The following LIG1 variants were observed in gnomAD, a reference collection of about 807,000 sequenced individuals.
LIG1 encodes ligase I, DNA, ATP-dependent.
In LIG1, 70 loss-of-function variants were observed where a neutral mutation model predicts 115.7. The ratio of observed to expected loss-of-function variants is 0.60; its 90% CI spans 0.50 to 0.74. The LOEUF is 0.74. LIG1 is among the 30% of genes least tolerant of loss of function. The probability of loss-of-function intolerance (pLI) is 0.00; values close to 1 mark genes in which losing one functional copy is unlikely to be tolerated. For missense variants in LIG1, 1,115 were observed against 1,225.6 expected (o/e 0.91, Z 1.35); for synonymous variants, 487 against 495.3 (o/e 0.98, Z 0.22).
At chr19:48,129,123 G>A (rs1462298176) in intron 19 of LIG1, among the ~76,000 whole-genome samples, 3 of 151,872 alleles carry the variant, frequency 2.0e-5, no homozygotes, top group African/African-American at 7.3e-5. Flanking sequence ...TGCAATCTCC[G>A]CTCAGTGCAG....
chr19:48,149,175 T>C (rs1204516638), intron 9 of LIG1, among the ~76,000 whole-genome samples: 1 of 152,162 alleles, frequency 6.6e-6, no homozygotes, highest in Non-Finnish European at 1.5e-5. Flanking sequence ...CTGGGTGTGG[T>C]GGCATGCACC....
chr19:48,126,417 C>T (rs2033670985), intron 21 of LIG1, among the ~76,000 whole-genome samples: 1 of 152,006 alleles, frequency 6.6e-6, no homozygotes, highest in Non-Finnish European at 1.5e-5. Context: ...ACCAGCCTGG[C>T]CAACATGGTG....
intron 2 of LIG1, among the ~76,000 whole-genome samples, chr19:48,163,199 T>C (rs1301775432): frequency 6.7e-6 from 1 of 149,458 alleles, no homozygotes; most frequent in Non-Finnish European, 1.5e-5. Context: ...ATTACAGGCA[T>C]GTGCCCCCGC....
intron 24 of LIG1, chr19:48,120,834 A>G (rs1464696680): frequency 2.9e-6 from 2 of 690,886 alleles, no homozygotes; most frequent in African/African-American, 3.9e-5. Context: ...ATGTGGGGAG[A>G]GGAGGAACCT....
intron 6 of LIG1, among the ~76,000 whole-genome samples, chr19:48,153,399 G>A (rs970601365): frequency 7.1e-6 from 1 of 140,404 alleles, no homozygotes; most frequent in African/African-American, 2.5e-5. Flanking sequence ...CAAGGAAAAG[G>A]AAATCATTTA....
At chr19:48,128,592 T>C (rs1191616102) in intron 19 of LIG1, among the ~76,000 whole-genome samples, 3 of 152,200 alleles carry the variant, frequency 2.0e-5, no homozygotes, top group Non-Finnish European at 4.4e-5. Flanking sequence ...GGGCAATGCC[T>C]CTTCCACTAC....
intron 5 of LIG1, 42 bp downstream of exon 5, chr19:48,156,972 A>C (rs773481173): frequency 1.2e-5 from 18 of 1,456,596 alleles, no homozygotes; most frequent in Non-Finnish European, 1.7e-5. Context: ...AGAGAAAAAG[A>C]AAGGCAGGCG....
intron 19 of LIG1, among the ~76,000 whole-genome samples, chr19:48,129,739 C>T (rs2033897118): frequency 6.6e-6 from 1 of 152,064 alleles, no homozygotes; most frequent in African/African-American, 2.4e-5. Flanking sequence ...TGGCCAGGGA[C>T]ACAAGGAAAT....
At position 48,136,082 on chromosome 19, in the gene LIG1, C is replaced by A; in HGVS notation, c.1375G>T (p.Val459Leu). 1 of 1,574,096 alleles carries A rather than the reference C, an allele frequency of 6.4e-7. No individual in the cohort carries two copies. Among genetic ancestry groups the A allele is most frequent in the East Asian group, 2.3e-5 (1 of 42,684 alleles). The change falls in exon 15 of 28, where the codon GTG becomes TTG. Residue 459 changes from valine to leucine, a missense_variant. Coordinates refer to ENST00000263274, the MANE Select transcript of LIG1 (RefSeq NM_000234.3). ...ACTGCCTGGGAGAGGGCAGCCAGCA[C>A]CGACTGCTCTGCCAGCCCAAGGCGC... is the stretch of plus-strand genomic sequence containing the variant. ...RLRLGLAEQS[V>L]LAALSQAVSL...
intron 19 of LIG1, among the ~76,000 whole-genome samples, chr19:48,128,789 G>T (rs1313765311): frequency 1.3e-5 from 2 of 152,234 alleles, no homozygotes; most frequent in Admixed American, 6.5e-5. Flanking sequence ...TTGAGTCAGA[G>T]TCTAGCTCTG....
At chr19:48,128,045 G>A (rs1408609630) in intron 19 of LIG1, 25 bp from the exon 20 acceptor site, 5 of 1,570,032 alleles carry the variant, frequency 3.2e-6, no homozygotes, top group Middle Eastern at 1.7e-4. Flanking sequence ...GAGAGACCCA[G>A]GGCCTGAGAG....
At chr19:48,133,899 G>T in intron 17 of LIG1, 82 bp downstream of exon 17, 1 of 1,131,100 alleles carries the variant, frequency 8.8e-7, no homozygotes, top group Non-Finnish European at 1.3e-6. Flanking sequence ...TCTGAGAGGG[G>T]CGCCTACGAT....
chr19:48,166,887 C>A (rs1262695141), intron 1 of LIG1, among the ~76,000 whole-genome samples: 1 of 149,918 alleles, frequency 6.7e-6, no homozygotes, highest in East Asian at 2.0e-4. Context: ...AGGAGAATCA[C>A]TTGAACCCAG....
intron 19 of LIG1, among the ~76,000 whole-genome samples, chr19:48,130,068 A>G (rs1028445438): frequency 3.3e-5 from 5 of 152,186 alleles, no homozygotes; most frequent in Admixed American, 2.0e-4. Context: ...AATATGTTAG[A>G]ATGATGAGAA....
Position 48,132,858 on chromosome 19 carries a change from G to A in LIG1, c.1725+124C>T, listed in dbSNP as rs2034128417. The A allele has an allele frequency of 1.8e-5, 13 of 720,888 alleles. 1 individual carries two copies. Among genetic ancestry groups the A allele is most frequent in the South Asian group, 1.8e-4 (13 of 73,110 alleles). The allele number at this position is 720,888 out of a possible 1,614,324, so 44.7% of individuals were successfully genotyped here. A position where few individuals can be genotyped will look rare whatever the true frequency, so the allele number is the denominator to read the frequency against. On this transcript the variant is annotated intron_variant, in intron 18 of 27. Coordinates refer to ENST00000263274, the MANE Select transcript of LIG1 (RefSeq NM_000234.3). ...ATGGAGGTGGATGCTGAAGCCCAGA[G>A]AGATGAGCGAGGGCTCGGCAGTCTG...
At chr19:48,139,295 G>A (rs1478853203) in intron 12 of LIG1, among the ~76,000 whole-genome samples, 3 of 152,182 alleles carry the variant, frequency 2.0e-5, no homozygotes, top group Non-Finnish European at 4.4e-5. Flanking sequence ...AGCTGCCGAC[G>A]GCTTTGTCAT....
intron 6 of LIG1, 35 bp from the exon 7 acceptor site, chr19:48,151,374 A>G (rs776900279): frequency 4.5e-6 from 6 of 1,329,308 alleles, no homozygotes; most frequent in East Asian, 4.6e-5. Flanking sequence ...TGGCAAAAAA[A>G]TCCCATTGAA....
rs773822904 is a variant in LIG1, at chr19:48,150,190, T to C, written c.595A>G (p.Ser199Gly). The C allele has an allele frequency of 3.1e-6, 5 of 1,614,180 alleles. No homozygotes were observed. The East Asian group carries it at 1.1e-4, about 36-fold the overall frequency. ...KTSKAETPTE[S>G]VSEPEVATKQ... ...GTGGCCACCTCAGGCTCTGAAACGCTTTCCGTCGGGGTCTCTGCTTCTGCG... is the reference window on the plus strand; with the variant it reads ...GTGGCCACCTCAGGCTCTGAAACGCCTTCCGTCGGGGTCTCTGCTTCTGCG... The change falls in exon 8 of 28, where the codon AGC becomes GGC. Residue 199 changes from serine to glycine, a missense_variant. Transcript: ENST00000263274.
chr19:48,165,644 C>T (rs577888966), intron 1 of LIG1, 21 bp from the exon 2 acceptor site: 3 of 1,592,820 alleles, frequency 1.9e-6, no homozygotes, highest in Non-Finnish European at 2.6e-6. Flanking sequence ...AATCCAAACA[C>T]TTGTTGAGGT....
Sources: gnomAD v4.1 joint callset for allele counts (sites outside exome capture counted in the v4.1 genomes callset) on GRCh38, gnomAD v4.1.1 for gene constraint, MANE v1.5 for transcripts, NCBI Gene and HGNC (gene_info 2026-07-23, HGNC 2026-07-21) for gene names.